MAP3K13: variants seen among roughly 807,000 people sequenced by gnomAD.
The protein encoded by MAP3K13 is mitogen-activated protein kinase kinase kinase 13, also known as leucine zipper-bearing kinase.
Under a neutral mutation model 104.0 loss-of-function variants are expected in MAP3K13, and 52 were observed. That is an observed-to-expected ratio of 0.50 (90% CI 0.40 to 0.63). The LOEUF (loss-of-function observed/expected upper bound fraction) is 0.63. MAP3K13 is among the 20% of genes least tolerant of loss of function. The pLI, the probability that MAP3K13 is intolerant of heterozygous loss-of-function variation, is 0.00. For missense variants in MAP3K13, 914 were observed against 1,218.5 expected (o/e 0.75, Z 3.72); for synonymous variants, 394 against 442.2 (o/e 0.89, Z 1.37).
chr3:185,437,027 AAAAAAT>A lies in MAP3K13; in HGVS notation c.476-419_476-414del, dbSNP rs1348599912. On this transcript the variant is annotated intron_variant, in intron 2 of 13. Transcript: ENST00000265026. The stretch of plus-strand genomic sequence containing the variant: ...AAAAAAAAAAAAAAAAAAAAAAAAA[AAAAAAT>A]TAGCAAAGATTCACTGAGCATCTGC... 1.9e-3 allele frequency among the ~76,000 whole-genome samples: 284 copies of A among 149,808 alleles called. 3 individuals are homozygous for A. Among genetic ancestry groups the A allele is most frequent in the African/African-American group, 5.4e-3 (220 of 40,604 alleles).
chr3:185,375,519 T>C (rs1035261453), intron 1 of MAP3K13, among the ~76,000 whole-genome samples: 1 of 152,158 alleles, frequency 6.6e-6, no homozygotes, highest in Non-Finnish European at 1.5e-5. Flanking sequence ...AGAATGGGCC[T>C]GTGAGGTTGG....
intron 10 of MAP3K13, among the ~76,000 whole-genome samples, chr3:185,467,712 G>A (rs1717531087): frequency 6.6e-6 from 1 of 151,058 alleles, no homozygotes; most frequent in South Asian, 2.1e-4. Context: ...GAACCAGGGA[G>A]TCGGAGGTTG....
intron 4 of MAP3K13, 41 bp downstream of exon 4, chr3:185,443,677 G>T: frequency 6.4e-7 from 1 of 1,563,766 alleles, no homozygotes; most frequent in Non-Finnish European, 8.8e-7. Context: ...TTGGTTTGTT[G>T]TTTTGAAATA....
intron 2 of MAP3K13, among the ~76,000 whole-genome samples, chr3:185,331,322 C>T (rs1478434429): frequency 2.0e-5 from 3 of 151,958 alleles, no homozygotes; most frequent in Middle Eastern, 3.4e-3. Context: ...CTCGAACTCC[C>T]GACCTCAGGT....
At chr3:185,444,162 C>G (rs1715472455) in intron 4 of MAP3K13, among the ~76,000 whole-genome samples, 1 of 152,020 alleles carries the variant, frequency 6.6e-6, no homozygotes, top group African/African-American at 2.4e-5. Context: ...TGGTGAAACC[C>G]TGTCTCTACT....
At chr3:185,455,670 T>TATATATG (rs1560120266) in intron 7 of MAP3K13, among the ~76,000 whole-genome samples, 8 of 23,258 alleles carry the variant, frequency 3.4e-4, no homozygotes, top group East Asian at 9.2e-4. Context: ...ATATATATGA[T>TATATATG]ATATATATGA....
At chr3:185,331,576 G>A (rs1456869244) in intron 2 of MAP3K13, among the ~76,000 whole-genome samples, 1 of 152,118 alleles carries the variant, frequency 6.6e-6, no homozygotes, top group African/African-American at 2.4e-5. Flanking sequence ...GGGCCATATT[G>A]TCAGTGCCTA....
At chr3:185,465,597 C>G in intron 8 of MAP3K13, 150 bp from the exon 9 acceptor site, 1 of 618,752 alleles carries the variant, frequency 1.6e-6, no homozygotes. Context: ...TCCATTTTGT[C>G]TGAGTTACTG....
chr3:185,423,274 G>A lies in MAP3K13; in HGVS notation c.-85-5223G>A, dbSNP rs1360150765. Among the ~76,000 whole-genome samples the A allele has an allele frequency of 6.6e-6, 1 of 152,124 alleles. No homozygotes were observed. The highest frequency in any genetic ancestry group is 2.4e-5 in the African/African-American group (1 of 41,404). On this transcript the variant is annotated intron_variant, in intron 1 of 13. Transcript: ENST00000265026. The surrounding 1 kb of genome is among the most constrained non-coding windows in gnomAD (Gnocchi z 4.1). ...TGGAAGTAGTGTCTTCCACAAAACT[G>A]GTCCCTGGTGCCAAAGAGGTTGGGG... is the stretch of plus-strand genomic sequence containing the variant.
chr3:185,283,474 GGAATGAAT>G (rs374615945), intron 1 of MAP3K13, among the ~76,000 whole-genome samples: 7 of 151,996 alleles, frequency 4.6e-5, no homozygotes, highest in East Asian at 1.9e-4. Flanking sequence ...TGTTGTCGAA[GGAATGAAT>G]GAATGAATGA....
chr3:185,440,043 A>G (rs1715241370), intron 3 of MAP3K13, among the ~76,000 whole-genome samples: 1 of 152,220 alleles, frequency 6.6e-6, no homozygotes, highest in Non-Finnish European at 1.5e-5. Flanking sequence ...CTGGATACTG[A>G]TTTCTGTGCT....
intron 2 of MAP3K13, among the ~76,000 whole-genome samples, chr3:185,307,307 T>C (rs558601329): frequency 6.6e-6 from 1 of 152,186 alleles, no homozygotes; most frequent in Admixed American, 6.5e-5. Flanking sequence ...CTTTTGATAA[T>C]CCAGTTAATG....
intron 2 of MAP3K13, among the ~76,000 whole-genome samples, chr3:185,305,072 A>G (rs878884666): frequency 3.3e-5 from 5 of 152,214 alleles, no homozygotes; most frequent in Admixed American, 2.6e-4. Context: ...TCCATTTTCT[A>G]TGTCTTTTGA....
intron 1 of MAP3K13, chr3:185,283,127 A>T (rs1169760014): frequency 6.5e-6 from 1 of 152,724 alleles, no homozygotes; most frequent in Non-Finnish European, 1.5e-5. Context: ...CAGGTTAGGT[A>T]ATGGACAGCA....
intron 2 of MAP3K13, among the ~76,000 whole-genome samples, chr3:185,353,243 A>G (rs1375499450): frequency 8.5e-5 from 13 of 152,236 alleles, no homozygotes; most frequent in Non-Finnish European, 1.5e-5. Flanking sequence ...TTAATTGAGC[A>G]ATGAACAATT....
intron 1 of MAP3K13, among the ~76,000 whole-genome samples, chr3:185,417,042 CCTAGA>C (rs1424323310): frequency 6.6e-6 from 1 of 151,584 alleles, no homozygotes; most frequent in African/African-American, 2.4e-5. Context: ...TTAGGAGAGT[CCTAGA>C]GTTCCAAAAA....
In MAP3K13 at chr3:185,435,290, C is replaced by T. The variant is rs572110424; in HGVS notation, c.476-2157C>T. Reference sequence around the variant, plus strand: ...CCTCCCAAAGTGCTGGGATTACAGGCGTGAACCACCACGCCTGGCCAATGA... The same window carrying T: ...CCTCCCAAAGTGCTGGGATTACAGGTGTGAACCACCACGCCTGGCCAATGA... On this transcript the variant is annotated intron_variant, in intron 2 of 13. Transcript: ENST00000265026. 2.9e-3 allele frequency among the ~76,000 whole-genome samples: 434 copies of T among 152,044 alleles called. 1 individual carries two copies. The highest frequency in any genetic ancestry group is 0.01 in the African/African-American group (417 of 41,466).
At chr3:185,452,703 T>G (rs1577576502) in intron 7 of MAP3K13, among the ~76,000 whole-genome samples, 1 of 152,170 alleles carries the variant, frequency 6.6e-6, no homozygotes, top group Non-Finnish European at 1.5e-5. Context: ...CCTAGGACGG[T>G]CTCATTCACG....
intron 1 of MAP3K13, among the ~76,000 whole-genome samples, chr3:185,401,253 C>G (rs992043848): frequency 1.3e-5 from 2 of 152,166 alleles, no homozygotes; most frequent in African/African-American, 4.8e-5. Context: ...TTGCCCAGGG[C>G]TCTTTGAATC....
Sources: gnomAD v4.1 joint callset for allele counts (sites outside exome capture counted in the v4.1 genomes callset) on GRCh38, gnomAD v4.1.1 for gene constraint, Gnocchi (gnomAD v3.1) non-coding constraint, MANE v1.5 for transcripts, NCBI Gene and HGNC (gene_info 2026-07-23, HGNC 2026-07-21) for gene names.